Variants in PANX1 observed in about 807,000 individuals in gnomAD.
PANX1 encodes the protein pannexin 1.
Under a neutral mutation model 38.7 loss-of-function variants are expected in PANX1, and 30 were observed. The observed-to-expected ratio is 0.78, with a 90% CI of 0.58 to 1.05. The LOEUF (loss-of-function observed/expected upper bound fraction) is 1.05. PANX1 is among the 50% of genes least tolerant of loss of function. PANX1 has a pLI of 0.00. For missense variants in PANX1, 551 were observed against 517.2 expected (o/e 1.07, Z -0.63); for synonymous variants, 230 against 212.2 (o/e 1.08, Z -0.73).
At chr11:94,169,375 G>A (rs575431096) in intron 2 of PANX1, among the ~76,000 whole-genome samples, 6 of 151,754 alleles carry the variant, frequency 4.0e-5, no homozygotes, top group Admixed American at 2.6e-4. Flanking sequence ...TGTGTCAGAT[G>A]CTGCCAAGAG....
chr11:94,129,462 C>T lies in PANX1; in HGVS notation c.150C>T (p.Ile50=), dbSNP rs758769376. 6.2e-7 allele frequency: 1 copy of T among 1,613,144 alleles called. No homozygotes were observed. Among genetic ancestry groups the T allele is most frequent in the Non-Finnish European group, 8.5e-7 (1 of 1,179,374 alleles). The part of the protein sequence containing the change: ...CIAVGLPLLL[I]SLAFAQEISI... Reference sequence around the variant, plus strand: ...CGGTGGGGCTGCCCCTGCTGCTCATCTCGCTGGCCTTCGCGCAGGAGATCT... The same window carrying T: ...CGGTGGGGCTGCCCCTGCTGCTCATTTCGCTGGCCTTCGCGCAGGAGATCT... The change falls in exon 1 of 5, where the codon ATC becomes ATT. Residue 50 remains isoleucine, a synonymous_variant. Coordinates refer to ENST00000227638, the MANE Select transcript of PANX1 (RefSeq NM_015368.4).
intron 2 of PANX1, among the ~76,000 whole-genome samples, chr11:94,161,382 C>G (rs184183745): frequency 8.5e-5 from 13 of 152,322 alleles, no homozygotes; most frequent in African/African-American, 3.1e-4. Context: ...CAGATTTGGT[C>G]TTCTCACATA....
At chr11:94,170,687 A>G in intron 2 of PANX1, among the ~76,000 whole-genome samples, 1 of 151,790 alleles carries the variant, frequency 6.6e-6, no homozygotes, top group Admixed American at 6.5e-5. Flanking sequence ...CAGAGTGATC[A>G]GTGCCTTTTC....
At chr11:94,143,827 C>G (rs963553171) in intron 1 of PANX1, among the ~76,000 whole-genome samples, 3 of 151,920 alleles carry the variant, frequency 2.0e-5, no homozygotes, top group Non-Finnish European at 4.4e-5. Flanking sequence ...CGGCTCACTG[C>G]AGCCTTGACC....
At chr11:94,134,267 C>T (rs1357260851) in intron 1 of PANX1, among the ~76,000 whole-genome samples, 2 of 152,026 alleles carry the variant, frequency 1.3e-5, no homozygotes, top group Admixed American at 1.3e-4. Flanking sequence ...GCCTTGAGGC[C>T]CTTCATTTCT....
intron 2 of PANX1, among the ~76,000 whole-genome samples, chr11:94,154,766 T>C (rs1365865644): frequency 6.6e-6 from 1 of 152,192 alleles, no homozygotes; most frequent in East Asian, 1.9e-4. Context: ...GATAGCCTAC[T>C]GTTGACTGGA....
rs201531673 is a variant in PANX1 at position 94,156,716 on chromosome 11, GTT to G, written c.321+3096_321+3097del. Among the ~76,000 whole-genome samples the G allele has an allele frequency of 8.1e-3, 1,164 of 144,046 alleles. 18 individuals are homozygous for G. Among genetic ancestry groups the G allele is most frequent in the African/African-American group, 0.028 (1,125 of 39,860 alleles). 94.5% of individuals were successfully genotyped at this position (144,046 alleles called of 152,430 possible). A position where few individuals can be genotyped will look rare whatever the true frequency, so the allele number is the denominator to read the frequency against. ...TTTTTTAAAAAAAATTATTTTTCTCGTTTTTTTTTTTCCTTTTTTTTAATTAT... is the reference window on the plus strand; with the variant it reads ...TTTTTTAAAAAAAATTATTTTTCTCGTTTTTTTTTCCTTTTTTTTAATTAT... On this transcript the variant is annotated intron_variant, in intron 2 of 4. Coordinates refer to ENST00000227638, the MANE Select transcript of PANX1 (RefSeq NM_015368.4).
chr11:94,133,519 G>A (rs1276538403), intron 1 of PANX1, among the ~76,000 whole-genome samples: 1 of 152,084 alleles, frequency 6.6e-6, no homozygotes, highest in South Asian at 2.1e-4. Flanking sequence ...ACTCTTCTGA[G>A]TTGTGCCTGG....
chr11:94,163,123 A>G (rs1041362216), intron 2 of PANX1, among the ~76,000 whole-genome samples: 13 of 152,150 alleles, frequency 8.5e-5, no homozygotes, highest in African/African-American at 3.1e-4. Flanking sequence ...TGTTGGGATT[A>G]CAGGCGTGAG....
chr11:94,179,376 C>T (rs1164480370), intron 3 of PANX1, among the ~76,000 whole-genome samples: 1 of 152,160 alleles, frequency 6.6e-6, no homozygotes, highest in African/African-American at 2.4e-5. Flanking sequence ...AATATTAACT[C>T]ATTTAATTAA....
chr11:94,146,874 A>G (rs1029373796), intron 1 of PANX1, among the ~76,000 whole-genome samples: 5 of 152,184 alleles, frequency 3.3e-5, no homozygotes, highest in Non-Finnish European at 1.5e-5. Flanking sequence ...GACTATAGAT[A>G]ATTGCTTGTA....
rs79274821 is a variant in PANX1, at chr11:94,146,190, G to A, written c.182-7301G>A. Among the ~76,000 whole-genome samples, 2,087 of 152,258 alleles carry A rather than the reference G, an allele frequency of 0.014. 86 individuals are homozygous for A. The East Asian group carries it at 0.14, about 10-fold the overall frequency. Reference sequence around the variant, plus strand: ...AAGGACACAGGAGCTAGTTTGATAGGAACCATTTGAACATCAGAGTGAATA... The same window carrying A: ...AAGGACACAGGAGCTAGTTTGATAGAAACCATTTGAACATCAGAGTGAATA... On this transcript the variant is annotated intron_variant, in intron 1 of 4. Coordinates refer to ENST00000227638, the MANE Select transcript of PANX1 (RefSeq NM_015368.4).
chr11:94,165,341 A>AT (rs1303226300), intron 2 of PANX1, among the ~76,000 whole-genome samples: 1 of 148,032 alleles, frequency 6.8e-6, no homozygotes, highest in Non-Finnish European at 1.5e-5. Context: ...ATTTTTTTTA[A>AT]TTTTTTAATT....
intron 1 of PANX1, among the ~76,000 whole-genome samples, chr11:94,134,716 C>G (rs963690135): frequency 1.3e-5 from 2 of 150,368 alleles, no homozygotes; most frequent in African/African-American, 4.9e-5. Context: ...CCCCCTTCCT[C>G]TCTTCTTCCC....
intron 1 of PANX1, among the ~76,000 whole-genome samples, chr11:94,134,474 G>A (rs1019677997): frequency 1.3e-5 from 2 of 152,178 alleles, no homozygotes; most frequent in Non-Finnish European, 2.9e-5. Flanking sequence ...TGGACTGAAT[G>A]TTTGTGTCTC....
At chr11:94,176,105 C>A (rs1369069834) in intron 2 of PANX1, among the ~76,000 whole-genome samples, 1 of 151,572 alleles carries the variant, frequency 6.6e-6, no homozygotes, top group Non-Finnish European at 1.5e-5. Flanking sequence ...TTAGCAGTAC[C>A]TGTGAGTTTG....
intron 2 of PANX1, among the ~76,000 whole-genome samples, chr11:94,158,437 G>C (rs1946981376): frequency 6.6e-6 from 1 of 152,112 alleles, no homozygotes. Flanking sequence ...GCAGTGGTTT[G>C]TAGTTCTCCT....
chr11:94,132,287 T>A (rs1946639037), intron 1 of PANX1, among the ~76,000 whole-genome samples: 1 of 152,122 alleles, frequency 6.6e-6, no homozygotes, highest in Admixed American at 6.5e-5. Flanking sequence ...CGCATAACCC[T>A]CCTAATGCAG....
chr11:94,140,441 A>AT (rs1466128201), intron 1 of PANX1, among the ~76,000 whole-genome samples: 1 of 152,106 alleles, frequency 6.6e-6, no homozygotes, highest in Non-Finnish European at 1.5e-5. Context: ...TACAGTGCTC[A>AT]TTTTTTTGCA....
Sources: allele counts gnomAD v4.1 joint callset (sites outside exome capture counted in the v4.1 genomes callset), GRCh38; gene constraint gnomAD v4.1.1; transcripts MANE v1.5; gene names NCBI Gene and HGNC (gene_info 2026-07-23, HGNC 2026-07-21).